The following TAFA5 variants were observed in gnomAD, a reference collection of about 807,000 sequenced individuals.
TAFA5 encodes the protein chemokine-like protein TAFA-5.
Under a neutral mutation model 15.3 loss-of-function variants are expected in TAFA5, and 6 were observed. The observed-to-expected ratio is 0.39, with a 90% CI of 0.21 to 0.77. The LOEUF (loss-of-function observed/expected upper bound fraction) is 0.77, where lower values mean the gene tolerates loss of function less well. TAFA5 is among the 30% of genes least tolerant of loss of function. TAFA5 has a pLI of 0.41. For missense variants in TAFA5, 161 were observed against 193.1 expected, an observed-to-expected ratio of 0.83 and a Z score of 0.98; for synonymous variants, 103 against 80.7, an observed-to-expected ratio of 1.28 and a Z score of -1.48.
intron 1 of TAFA5, among the ~76,000 whole-genome samples, chr22:48,606,282 G>A (rs1270150700): frequency 2.0e-5 from 3 of 152,184 alleles, no homozygotes; most frequent in Non-Finnish European, 4.4e-5. Flanking sequence ...CTCGAGAATC[G>A]CAGTGGCGAA....
At chr22:48,628,273 C>A (rs1292582795) in intron 1 of TAFA5, among the ~76,000 whole-genome samples, 4 of 152,208 alleles carry the variant, frequency 2.6e-5, no homozygotes, top group Middle Eastern at 3.2e-3. Context: ...GCTGCTGCCC[C>A]ACGGGACCCA....
At chr22:48,585,522 A>G (rs1191047070) in intron 1 of TAFA5, among the ~76,000 whole-genome samples, 1 of 151,384 alleles carries the variant, frequency 6.6e-6, no homozygotes, top group Non-Finnish European at 1.5e-5. Flanking sequence ...ACTAGATACC[A>G]CACACCACTC....
intron 1 of TAFA5, among the ~76,000 whole-genome samples, chr22:48,509,472 T>A (rs1193039543): frequency 6.6e-6 from 1 of 152,212 alleles, no homozygotes; most frequent in Non-Finnish European, 1.5e-5. Context: ...TGCCAGCATT[T>A]GTTTGTGTGT....
chr22:48,742,093 TCGGGGCAC>T lies in TAFA5; in HGVS notation c.391-7744_391-7737del, dbSNP rs1930196642. 6.6e-6 allele frequency among the ~76,000 whole-genome samples: 1 copy of T among 151,202 alleles called. No homozygotes were observed. Among genetic ancestry groups the T allele is most frequent in the Non-Finnish European group, 1.5e-5 (1 of 67,814 alleles). On this transcript the variant is annotated intron_variant, in intron 3 of 3. Coordinates refer to ENST00000402357, the MANE Select transcript of TAFA5 (RefSeq NM_001082967.3). The surrounding 1 kb of genome is among the most constrained non-coding windows in gnomAD (Gnocchi z 6.2). The stretch of plus-strand genomic sequence containing the variant: ...GCTCCAGCTGGGAGGCTGTGGGAGG[TCGGGGCAC>T]CTGCCAGGCTCTGGAGGGGTCTGGC...
In TAFA5 at chr22:48,598,247, C is replaced by T. The variant is rs1000812110; in HGVS notation, c.113-48350C>T. Among the ~76,000 whole-genome samples, 1 of 152,292 alleles carries T rather than the reference C, an allele frequency of 6.6e-6. No homozygotes were observed. The highest frequency in any genetic ancestry group is 6.5e-5 in the Admixed American group (1 of 15,304). On this transcript the variant is annotated intron_variant, in intron 1 of 3. Coordinates refer to ENST00000402357, the MANE Select transcript of TAFA5 (RefSeq NM_001082967.3). This position sits in a 1 kb window ranked among gnomAD's most constrained non-coding sequence, Gnocchi z 4.0. The stretch of plus-strand genomic sequence containing the variant: ...GCCCACCCACAGTATGGAAGGCCAT[C>T]TGCTTTATTCAAAATCACCGATTCA...
chr22:48,711,973 C>T (rs923183283), intron 3 of TAFA5, among the ~76,000 whole-genome samples: 2 of 152,274 alleles, frequency 1.3e-5, no homozygotes, highest in Non-Finnish European at 1.5e-5. Flanking sequence ...GCAATGCCTG[C>T]GCCTCTCTGT....
intron 1 of TAFA5, among the ~76,000 whole-genome samples, chr22:48,526,647 T>A (rs1416468293): frequency 6.6e-6 from 1 of 152,238 alleles, no homozygotes; most frequent in Non-Finnish European, 1.5e-5. Flanking sequence ...AGAGACAATG[T>A]CCCTGAGTGC....
intron 1 of TAFA5, among the ~76,000 whole-genome samples, chr22:48,597,020 T>C (rs1924789898): frequency 6.6e-6 from 1 of 152,226 alleles, no homozygotes; most frequent in South Asian, 2.1e-4. Context: ...ATGCCCTAGC[T>C]GGTCTCGAAC....
At chr22:48,679,359 C>T (rs111166648) in intron 2 of TAFA5, among the ~76,000 whole-genome samples, 1 of 2,758 alleles carries the variant, frequency 3.6e-4, no homozygotes, top group Admixed American at 2.4e-3. Context: ...CCGGGCTCCC[C>T]GTCCATCCCT....
At chr22:48,582,233 A>T (rs68160218) in intron 1 of TAFA5, among the ~76,000 whole-genome samples, 63,303 of 151,530 alleles carry the variant, frequency 0.42, 13,390 homozygotes, top group East Asian at 0.64. Context: ...CCACACAAAA[A>T]ACACAACGCA....
At chr22:48,613,788 C>G (rs1041608360) in intron 1 of TAFA5, among the ~76,000 whole-genome samples, 1 of 152,320 alleles carries the variant, frequency 6.6e-6, no homozygotes, top group African/African-American at 2.4e-5. Context: ...TCCGGCCCTT[C>G]GTGACTCTGT....
At chr22:48,706,112 G>T (rs1929070473) in intron 2 of TAFA5, among the ~76,000 whole-genome samples, 1 of 152,236 alleles carries the variant, frequency 6.6e-6, no homozygotes, top group Non-Finnish European at 1.5e-5. Context: ...TGGGCCTGGT[G>T]TGGGTGACAG....
chr22:48,677,996 A>C (rs73889567), intron 2 of TAFA5, among the ~76,000 whole-genome samples: 2,197 of 150,702 alleles, frequency 0.015, 52 homozygotes, highest in African/African-American at 0.05. Context: ...AGAGCTCCCC[A>C]TTCCTGCATC....
intron 1 of TAFA5, among the ~76,000 whole-genome samples, chr22:48,571,271 C>CTTTTT (rs869050468): frequency 2.9e-4 from 28 of 97,660 alleles, no homozygotes; most frequent in East Asian, 6.2e-4. Flanking sequence ...TTGTTGTTTG[C>CTTTTT]TTTTTTTTTT....
intron 1 of TAFA5, among the ~76,000 whole-genome samples, chr22:48,514,518 A>G (rs1354090170): frequency 2.0e-5 from 3 of 152,138 alleles, no homozygotes; most frequent in African/African-American, 7.2e-5. Flanking sequence ...GGCCCTCCAG[A>G]ACTTGGGCCA....
At position 48,552,837 on chromosome 22, in the gene TAFA5, G is replaced by A. The variant is rs1164263412; in HGVS notation, c.112+63133G>A. Among the ~76,000 whole-genome samples the A allele has an allele frequency of 2.0e-5, 3 of 152,080 alleles. No individual in the cohort carries two copies. The highest frequency in any genetic ancestry group is 4.4e-5 in the Non-Finnish European group (3 of 68,004). ...ATATGGGGCTTCCAGGGCTCACCCC[G>A]AGGGAGGAGGCCCAGAGCCAGCCCT... On this transcript the variant is annotated intron_variant, in intron 1 of 3. Coordinates refer to ENST00000402357, the MANE Select transcript of TAFA5 (RefSeq NM_001082967.3). The surrounding 1 kb of genome is among the most constrained non-coding windows in gnomAD (Gnocchi z 4.1).
At chr22:48,577,474 G>C (rs529152668) in intron 1 of TAFA5, among the ~76,000 whole-genome samples, 6 of 152,314 alleles carry the variant, frequency 3.9e-5, no homozygotes, top group African/African-American at 1.4e-4. Flanking sequence ...GGTTACTAGT[G>C]CTCTGGCACA....
chr22:48,638,363 C>A (rs866125633), intron 1 of TAFA5, among the ~76,000 whole-genome samples: 29 of 97,940 alleles, frequency 3.0e-4, no homozygotes, highest in African/African-American at 7.8e-4. Flanking sequence ...CCACCCCCCC[C>A]CCGACACTAA....
intron 3 of TAFA5, among the ~76,000 whole-genome samples, chr22:48,716,210 G>T (rs758515771): frequency 6.6e-6 from 1 of 152,112 alleles, no homozygotes; most frequent in African/African-American, 2.4e-5. Flanking sequence ...TTCTGCCTAG[G>T]ATCCACACAT....
Sources: allele counts gnomAD v4.1 joint callset (sites outside exome capture counted in the v4.1 genomes callset), GRCh38; gene constraint gnomAD v4.1.1; non-coding constraint Gnocchi (gnomAD v3.1); transcripts MANE v1.5; gene names NCBI Gene and HGNC (gene_info 2026-07-23, HGNC 2026-07-21).